MSANTD3: variants seen among roughly 807,000 people sequenced by gnomAD.
The protein encoded by MSANTD3 is myb/SANT-like DNA-binding domain-containing protein 3.
In MSANTD3, 11 loss-of-function variants were observed where a neutral mutation model predicts 27.7. The ratio of observed to expected loss-of-function variants is 0.40; its 90% CI spans 0.25 to 0.66. The LOEUF is 0.66. Among genes scored for constraint, MSANTD3 ranks in the 30% least tolerant of loss-of-function variants. The pLI is 0.41. For missense variants in MSANTD3, 250 were observed against 336.5 expected, an observed-to-expected ratio of 0.74 and a Z score of 2.01; for synonymous variants, 131 against 127.2, an observed-to-expected ratio of 1.03 and a Z score of -0.20.
At position 100,442,057 on chromosome 9, in the gene MSANTD3, G is replaced by A. The variant is rs753864659; in HGVS notation, c.119G>A (p.Arg40Gln). The A allele has an allele frequency of 7.4e-6, 12 of 1,614,088 alleles. No homozygotes were observed. The highest frequency in any genetic ancestry group is 2.2e-5 in the East Asian group (1 of 44,896). The stretch of plus-strand genomic sequence containing the variant: ...CTGGAATGTAAGAAAAGTGATGCGC[G>A]AACTATTGCCCTTAAGCAGCGTACC... ...YVLECKKSDARTIALKQRTWQ... is the reference protein window; with the variant it reads ...YVLECKKSDAQTIALKQRTWQ... The change falls in exon 2 of 3, where the codon CGA becomes CAA. Residue 40 changes from arginine (R) to glutamine (Q), a missense_variant. Coordinates refer to ENST00000395067, the MANE Select transcript of MSANTD3 (RefSeq NM_080655.3).
At chr9:100,448,067 C>T (rs1836798159) in intron 2 of MSANTD3, 1 of 255,264 alleles carries the variant, frequency 3.9e-6, no homozygotes, top group Admixed American at 6.5e-5. Flanking sequence ...TGGTGTATGC[C>T]TGTAGTCCCA....
intron 1 of MSANTD3, among the ~76,000 whole-genome samples, chr9:100,437,688 AAC>A (rs1836505601): frequency 1.3e-5 from 2 of 152,182 alleles, no homozygotes; most frequent in Non-Finnish European, 2.9e-5. Context: ...GTGATTAAAT[AAC>A]AGTTTAGTTA....
intron 1 of MSANTD3, among the ~76,000 whole-genome samples, chr9:100,430,888 G>A (rs1836360972): frequency 6.6e-6 from 1 of 152,180 alleles, no homozygotes; most frequent in African/African-American, 2.4e-5. Context: ...TACCCATAGT[G>A]GGGCACAGAG....
At chr9:100,428,122 C>A (rs983704684) in intron 1 of MSANTD3, among the ~76,000 whole-genome samples, 2 of 152,206 alleles carry the variant, frequency 1.3e-5, no homozygotes, top group Non-Finnish European at 2.9e-5. Context: ...CTGTAAATTG[C>A]ATGAATAATC....
intron 2 of MSANTD3, among the ~76,000 whole-genome samples, chr9:100,450,332 C>T (rs1439244638): frequency 6.6e-6 from 1 of 152,114 alleles, no homozygotes; most frequent in Non-Finnish European, 1.5e-5. Context: ...TAGAAATAAC[C>T]TAACAAAACC....
chr9:100,438,453 C>T (rs1480308328), intron 1 of MSANTD3, among the ~76,000 whole-genome samples: 1 of 146,376 alleles, frequency 6.8e-6, no homozygotes, highest in Admixed American at 6.8e-5. Context: ...TGTACACACA[C>T]ATATAATGTA....
chr9:100,428,577 G>A (rs1587779595), intron 1 of MSANTD3, among the ~76,000 whole-genome samples: 1 of 152,040 alleles, frequency 6.6e-6, no homozygotes, highest in East Asian at 1.9e-4. Context: ...GTAGAGACCC[G>A]GGCTAGGGGA....
intron 1 of MSANTD3, among the ~76,000 whole-genome samples, chr9:100,434,582 T>C (rs1235947592): frequency 6.6e-6 from 1 of 152,134 alleles, no homozygotes; most frequent in Admixed American, 6.6e-5. Context: ...TCCAATAACA[T>C]TGTCCCCACT....
At chr9:100,438,048 C>G (rs1363286911) in intron 1 of MSANTD3, among the ~76,000 whole-genome samples, 1 of 152,220 alleles carries the variant, frequency 6.6e-6, no homozygotes, top group African/African-American at 2.4e-5. Context: ...AAGTCCACCA[C>G]CACCTAGTGG....
At position 100,451,423 on chromosome 9, in the gene MSANTD3, T is replaced by A. The variant is rs1055681707; in HGVS notation, c.*457T>A. 1 of 153,302 alleles carries A rather than the reference T, an allele frequency of 6.5e-6. No homozygotes were observed. Among genetic ancestry groups the A allele is most frequent in the African/African-American group, 2.4e-5 (1 of 41,376 alleles). The allele number at this position is 153,302 out of a possible 1,614,324, so 9.5% of individuals were successfully genotyped here. A position where few individuals can be genotyped will look rare whatever the true frequency, so the allele number is the denominator to read the frequency against. ...CTACACGTTTCTCCAATGGTGATGCTGTTGCTCAGAACTTGCTAGAGGTCT... is the reference window on the plus strand; with the variant it reads ...CTACACGTTTCTCCAATGGTGATGCAGTTGCTCAGAACTTGCTAGAGGTCT... On this transcript the variant is annotated 3_prime_UTR_variant, in exon 3 of 3. Coordinates refer to ENST00000395067, the MANE Select transcript of MSANTD3 (RefSeq NM_080655.3).
rs1479365868 is a variant in MSANTD3 at position 100,442,898 on chromosome 9, TTAAACA to T, written c.418+547_418+552del. On this transcript the variant is annotated intron_variant, in intron 2 of 2. Coordinates refer to ENST00000395067, the MANE Select transcript of MSANTD3 (RefSeq NM_080655.3). The stretch of plus-strand genomic sequence containing the variant: ...GCTCTCTTGGAGACTTTATTATTAC[TTAAACA>T]TAAAGAAAAATAAGGGACTGGATTA... Among the ~76,000 whole-genome samples the T allele has an allele frequency of 5.9e-5, 9 of 152,124 alleles. No individual in the cohort carries two copies. The South Asian group carries it at 1.9e-3, about 32-fold the overall frequency.
chr9:100,429,501 C>G (rs952613911), intron 1 of MSANTD3: 3 of 152,066 alleles, frequency 2.0e-5, no homozygotes, highest in Admixed American at 6.6e-5. Context: ...TATGTATTCC[C>G]CTAGGAATTT....
Position 100,441,886 on chromosome 9 carries a change from C to A in MSANTD3, c.-33-20C>A. The A allele has an allele frequency of 6.5e-7, 1 of 1,534,892 alleles. No homozygotes were observed. The highest frequency in any genetic ancestry group is 8.7e-7 in the Non-Finnish European group (1 of 1,143,214). ...TTTTTGCTGGAGTTGGTAATCATTGCTTCAAACTTCCTTTTACAGGATAGC... is the reference window on the plus strand; with the variant it reads ...TTTTTGCTGGAGTTGGTAATCATTGATTCAAACTTCCTTTTACAGGATAGC... On this transcript the variant is annotated intron_variant, in intron 1 of 2. Transcript: ENST00000395067.
At chr9:100,447,667 T>C (rs2118123899) in intron 2 of MSANTD3, among the ~76,000 whole-genome samples, 1 of 152,310 alleles carries the variant, frequency 6.6e-6, no homozygotes, top group East Asian at 1.9e-4. Flanking sequence ...TCATACAGAC[T>C]TAGAATCCTG....
intron 1 of MSANTD3, among the ~76,000 whole-genome samples, chr9:100,433,395 G>A (rs927489940): frequency 2.0e-5 from 3 of 151,934 alleles, no homozygotes; most frequent in African/African-American, 7.3e-5. Flanking sequence ...TTGGAGACAG[G>A]GTCTTGCTCT....
At chr9:100,437,428 C>G (rs756357400) in intron 1 of MSANTD3, among the ~76,000 whole-genome samples, 1 of 152,162 alleles carries the variant, frequency 6.6e-6, no homozygotes, top group Non-Finnish European at 1.5e-5. Context: ...AGACCACTTA[C>G]TATTTTGTGA....
chr9:100,438,739 GA>G, intron 1 of MSANTD3, among the ~76,000 whole-genome samples: 1 of 152,318 alleles, frequency 6.6e-6, no homozygotes, highest in African/African-American at 2.4e-5. Flanking sequence ...AGATAATACA[GA>G]AGAGAGATAT....
intron 2 of MSANTD3, among the ~76,000 whole-genome samples, chr9:100,443,270 A>G (rs1836672878): frequency 6.6e-6 from 1 of 151,830 alleles, no homozygotes; most frequent in Admixed American, 6.6e-5. Context: ...GTGGTGGTGC[A>G]TGCCTGTAAT....
At chr9:100,447,073 G>T (rs1836772484) in intron 2 of MSANTD3, among the ~76,000 whole-genome samples, 1 of 151,974 alleles carries the variant, frequency 6.6e-6, no homozygotes, top group Non-Finnish European at 1.5e-5. Flanking sequence ...AAGCCCCTTG[G>T]CTTTCCTGGT....
Sources: allele counts gnomAD v4.1 joint callset (sites outside exome capture counted in the v4.1 genomes callset), GRCh38; gene constraint gnomAD v4.1.1; transcripts MANE v1.5; gene names NCBI Gene and HGNC (gene_info 2026-07-23, HGNC 2026-07-21).